MAL2: variants seen among roughly 807,000 people sequenced by gnomAD.
MAL2 encodes the protein mal, T cell differentiation protein 2, also known as protein MAL2.
MAL2 carries 17 observed loss-of-function variants against 18.1 expected under a neutral mutation model. That is an observed-to-expected ratio of 0.94 (90% CI 0.64 to 1.41). The LOEUF is 1.41. Ranked by LOEUF, MAL2 falls within the 40% of genes most tolerant of loss-of-function variation. MAL2 has a pLI of 0.00. For missense variants in MAL2, 222 were observed against 231.9 expected (o/e 0.96, Z 0.28); for synonymous variants, 102 against 102.3 (o/e 1.00, Z 0.02).
Position 119,212,421 on chromosome 8 carries a change from G to T in MAL2, c.132+3817G>T, listed in dbSNP as rs113886564. Among the ~76,000 whole-genome samples the T allele has an allele frequency of 5.3e-5, 8 of 152,248 alleles. 1 individual carries two copies. The highest frequency in any genetic ancestry group is 1.9e-4 in the African/African-American group (8 of 41,530). On this transcript the variant is annotated intron_variant, in intron 1 of 3. Coordinates refer to ENST00000614891, the MANE Select transcript of MAL2 (RefSeq NM_052886.3). ...TAACTGCAGTGTTTTGGATGCCATA[G>T]TAATTTTCATTTACTCAGCTTATAA...
chr8:119,218,229 A>G (rs1452103876), intron 1 of MAL2, among the ~76,000 whole-genome samples: 1 of 152,034 alleles, frequency 6.6e-6, no homozygotes, highest in Non-Finnish European at 1.5e-5. Context: ...GGGCATTCCT[A>G]CACTCCTTCC....
chr8:119,231,959 A>G (rs1421119030), intron 2 of MAL2, among the ~76,000 whole-genome samples: 1 of 152,200 alleles, frequency 6.6e-6, no homozygotes, highest in Non-Finnish European at 1.5e-5. Flanking sequence ...ACAGAATTTC[A>G]GTTAGGAGAA....
At chr8:119,224,291 A>G (rs1021013082) in intron 2 of MAL2, 9 of 152,174 alleles carry the variant, frequency 5.9e-5, no homozygotes, top group Non-Finnish European at 1.3e-4. Context: ...TGGTTTTGAA[A>G]CAGCTTTTCT....
intron 2 of MAL2, among the ~76,000 whole-genome samples, chr8:119,229,228 G>GAAATGTTTT (rs1363534946): frequency 2.6e-5 from 4 of 151,780 alleles, no homozygotes; most frequent in South Asian, 2.1e-4. Context: ...CTGAAGCTTT[G>GAAATGTTTT]AAATGTTTTA....
Position 119,244,017 on chromosome 8 carries a change from C to T in MAL2, c.*529C>T, listed in dbSNP as rs566786041. ...CAACTATTCAGTTCTGCTAGTATAG[C>T]GTGAAAGCAGCTATACACAATACAG... is the stretch of plus-strand genomic sequence containing the variant. On this transcript the variant is annotated 3_prime_UTR_variant, in exon 4 of 4. Transcript: ENST00000614891. The T allele has an allele frequency of 2.0e-5, 3 of 152,230 alleles. No individual in the cohort carries two copies. The highest frequency in any genetic ancestry group is 2.1e-4 in the South Asian group (1 of 4,822). The allele number at this position is 152,230 out of a possible 1,614,324, so 9.4% of individuals were successfully genotyped here.
chr8:119,221,598 T>C lies in MAL2; in HGVS notation c.144T>C (p.Gly48=). ...AFVCLEILFG[G]LVWILVASSN... ...TTTTTCTCTTTCAGCTGTTCGGGGG[T>C]CTTGTCTGGATTTTGGTTGCCTCCT... The change falls in exon 2 of 4, where the codon GGT becomes GGC. Residue 48 remains glycine, a synonymous_variant. Coordinates refer to ENST00000614891, the MANE Select transcript of MAL2 (RefSeq NM_052886.3). 1 of 1,613,574 alleles carries C rather than the reference T, an allele frequency of 6.2e-7. No individual in the cohort carries two copies. Among genetic ancestry groups the C allele is most frequent in the South Asian group, 1.1e-5 (1 of 91,058 alleles).
intron 2 of MAL2, among the ~76,000 whole-genome samples, chr8:119,236,370 C>T (rs1032944660): frequency 1.3e-5 from 2 of 151,110 alleles, no homozygotes; most frequent in South Asian, 2.1e-4. Context: ...CCACTGTCAA[C>T]ATTAGAGAGA....
intron 2 of MAL2, among the ~76,000 whole-genome samples, chr8:119,238,885 A>T (rs1385703007): frequency 6.6e-6 from 1 of 151,842 alleles, no homozygotes; most frequent in Non-Finnish European, 1.5e-5. Context: ...TCATGTCTAA[A>T]ACACCAAAAG....
intron 1 of MAL2, 152 bp from the exon 2 acceptor site, chr8:119,221,435 A>G: frequency 2.3e-6 from 2 of 860,136 alleles, no homozygotes; most frequent in Non-Finnish European, 3.6e-6. Context: ...CTTACATAAT[A>G]AGGGGAAAAT....
intron 1 of MAL2, among the ~76,000 whole-genome samples, chr8:119,214,452 G>A (rs1817315697): frequency 6.6e-6 from 1 of 152,076 alleles, no homozygotes; most frequent in African/African-American, 2.4e-5. Flanking sequence ...GAAGGAGGAA[G>A]GTAAAAAGAA....
chr8:119,210,082 T>C (rs1817247253), intron 1 of MAL2, among the ~76,000 whole-genome samples: 1 of 152,220 alleles, frequency 6.6e-6, no homozygotes. Flanking sequence ...ATTCCACCTG[T>C]ACTAGAATTT....
At chr8:119,228,442 G>C (rs1563773302) in intron 2 of MAL2, among the ~76,000 whole-genome samples, 1 of 151,826 alleles carries the variant, frequency 6.6e-6, no homozygotes, top group Admixed American at 6.6e-5. Flanking sequence ...TCTTCCAATG[G>C]GGACACAATA....
chr8:119,229,612 A>G (rs1378785288), intron 2 of MAL2, among the ~76,000 whole-genome samples: 2 of 152,106 alleles, frequency 1.3e-5, no homozygotes, highest in South Asian at 2.1e-4. Context: ...GCACCCAGCT[A>G]TGGGCCACTT....
intron 2 of MAL2, chr8:119,224,133 A>G (rs1817530987): frequency 6.6e-6 from 1 of 152,216 alleles, no homozygotes; most frequent in African/African-American, 2.4e-5. Flanking sequence ...ATTGACTAAG[A>G]AAATTACATT....
rs560187611 is a variant in MAL2, at chr8:119,208,385, A to AGCGGCGGCG, written c.-76_-68dup. On this transcript the variant is annotated 5_prime_UTR_variant, in exon 1 of 4. Coordinates refer to ENST00000614891, the MANE Select transcript of MAL2 (RefSeq NM_052886.3). This position sits in a 1 kb window ranked among gnomAD's most constrained non-coding sequence, Gnocchi z 4.3. ...GGCGCGCCCGGAGCCCGCGGAGCTG[A>AGCGGCGGCG]GCGGCGGCGGCGGCGGCGGCAGGAG... 9.3e-5 allele frequency: 66 copies of AGCGGCGGCG among 708,074 alleles called. No homozygotes were observed. In the East Asian group the frequency reaches 3.3e-3, roughly 35 times the overall value. The allele number at this position is 708,074 out of a possible 1,614,324, so 43.9% of individuals were successfully genotyped here.
intron 2 of MAL2, among the ~76,000 whole-genome samples, chr8:119,235,179 G>A (rs137974344): frequency 1.6e-4 from 25 of 152,156 alleles, no homozygotes; most frequent in Non-Finnish European, 2.5e-4. Flanking sequence ...CCTCAGGAGC[G>A]AATGCGATCA....
chr8:119,219,601 C>T (rs1481601006), intron 1 of MAL2, among the ~76,000 whole-genome samples: 1 of 151,620 alleles, frequency 6.6e-6, no homozygotes, highest in African/African-American at 2.4e-5. Flanking sequence ...TTCTCACTTG[C>T]TTGAGGTGTC....
chr8:119,233,970 T>A (rs1014864449), intron 2 of MAL2, among the ~76,000 whole-genome samples: 6 of 152,080 alleles, frequency 3.9e-5, no homozygotes, highest in African/African-American at 9.7e-5. Flanking sequence ...GATGGCCGAA[T>A]AGGAACAGCT....
Position 119,240,271 on chromosome 8 carries a change from G to A in MAL2, c.410G>A (p.Gly137Glu). Residue 137 changes from glycine to glutamate, a missense_variant, in exon 3 of 4, where the codon GGG becomes GAG. Physicochemically the swap from Gly to Glu is moderately conservative, Grantham distance 98. Transcript: ENST00000614891. ...TTGCATTGCAATACAACCATAACCG[G>A]GCAGCCACTCCTGAGTGATAACCAG... ...HDLHCNTTIT[G>E]QPLLSDNQYN... 6.8e-6 allele frequency: 11 copies of A among 1,613,498 alleles called. No homozygotes were observed. Among genetic ancestry groups the A allele is most frequent in the Non-Finnish European group, 8.5e-6 (10 of 1,179,760 alleles).
Sources: allele counts gnomAD v4.1 joint callset (sites outside exome capture counted in the v4.1 genomes callset), GRCh38; gene constraint gnomAD v4.1.1; non-coding constraint Gnocchi (gnomAD v3.1); transcripts MANE v1.5; gene names NCBI Gene and HGNC (gene_info 2026-07-23, HGNC 2026-07-21).